DNAJC12: variants seen among roughly 807,000 people sequenced by gnomAD.
The protein encoded by DNAJC12 is DnaJ heat shock protein family (Hsp40) member C12.
A neutral mutation model predicts 28.5 loss-of-function variants in DNAJC12; 25 were observed. The observed-to-expected ratio is 0.88, with a 90% CI of 0.64 to 1.22. DNAJC12 has a LOEUF of 1.22. Ranked by LOEUF, DNAJC12 falls within the 50% of genes most tolerant of loss-of-function variation. DNAJC12 has a pLI of 0.00. For missense variants in DNAJC12, 222 were observed against 231.7 expected, an observed-to-expected ratio of 0.96 and a Z score of 0.27; for synonymous variants, 77 against 80.6, an observed-to-expected ratio of 0.95 and a Z score of 0.24.
intron 3 of DNAJC12, 61 bp from the exon 4 acceptor site, chr10:67,805,848 T>C (rs1160047806): frequency 7.5e-7 from 1 of 1,333,172 alleles, no homozygotes; most frequent in Non-Finnish European, 1.0e-6. Context: ...TTTCTATATT[T>C]AAAGTTTGAT....
At chr10:67,818,358 T>C (rs1841936705) in intron 2 of DNAJC12, among the ~76,000 whole-genome samples, 1 of 152,216 alleles carries the variant, frequency 6.6e-6, no homozygotes. Context: ...TTGAATCATA[T>C]ATCAAATGCA....
intron 2 of DNAJC12, among the ~76,000 whole-genome samples, chr10:67,821,222 A>G (rs182039483): frequency 6.6e-6 from 1 of 152,270 alleles, no homozygotes; most frequent in East Asian, 1.9e-4. Context: ...TAACTATCAA[A>G]TTTAAGATAT....
Position 67,819,707 on chromosome 10 carries a change from GAAGGAAGGAAGC to G in DNAJC12, c.157+3595_157+3606del, listed in dbSNP as rs1182236086. Among the ~76,000 whole-genome samples, 179 of 31,624 alleles carry G rather than the reference GAAGGAAGGAAGC, an allele frequency of 5.7e-3. 19 individuals are homozygous for G. The highest frequency in any genetic ancestry group is 0.015 in the South Asian group (10 of 686). 20.7% of individuals were successfully genotyped at this position (31,624 alleles called of 152,430 possible). On this transcript the variant is annotated intron_variant, in intron 2 of 4. Transcript: ENST00000225171. ...GAAAGAAAGAAAGAAAGGAAGGAAG[GAAGGAAGGAAGC>G]AAGGAAGGAAGGAAGGAAGGAAGGA...
intron 2 of DNAJC12, among the ~76,000 whole-genome samples, chr10:67,816,394 T>C (rs1841916361): frequency 6.6e-6 from 1 of 151,892 alleles, no homozygotes; most frequent in African/African-American, 2.4e-5. Flanking sequence ...CAGTAAAGAC[T>C]ATAAAGTAAA....
intron 1 of DNAJC12, chr10:67,833,961 C>T: frequency 2.1e-6 from 1 of 466,506 alleles, no homozygotes; most frequent in South Asian, 1.6e-5. Context: ...AGCATTAATG[C>T]TAGGGGTAAG....
In DNAJC12 at chr10:67,823,340, T is replaced by C. The variant is rs772016928; in HGVS notation, c.131A>G (p.Asp44Gly). 3.1e-6 allele frequency: 5 copies of C among 1,614,056 alleles called. No individual in the cohort carries two copies. In the African/African-American group the frequency reaches 4.0e-5, roughly 13 times the overall value. Reference protein sequence around the residue: ...FKVRALECHPDKHPENPKAVE... With the variant: ...FKVRALECHPGKHPENPKAVE... ...AGCTTTGGGGTTTTCAGGATGCTTG[T>C]CTGGGTGACATTCCAGAGCTCTGAC... The change falls in exon 2 of 5, where the codon GAC (aspartate) becomes GGC (glycine). Residue 44 changes from aspartate to glycine, a missense_variant. Asp to Gly is a moderately conservative substitution (Grantham distance 94, BLOSUM62 -1). Transcript: ENST00000225171.
intron 1 of DNAJC12, among the ~76,000 whole-genome samples, chr10:67,831,564 T>C (rs1182392895): frequency 1.3e-5 from 2 of 152,230 alleles, no homozygotes; most frequent in African/African-American, 4.8e-5. Context: ...ATTAAAATTA[T>C]GGCCATCTAG....
chr10:67,809,513 A>T lies in DNAJC12; in HGVS notation c.297+2011T>A, dbSNP rs553628860. On this transcript the variant is annotated intron_variant, in intron 3 of 4. Transcript: ENST00000225171. ...TATTTTTACCAATTAAACTAGCAGG[A>T]GGAACTTCTAGAAAACAAAAAGAAA... Among the ~76,000 whole-genome samples the T allele has an allele frequency of 2.8e-4, 42 of 152,324 alleles. 1 individual carries two copies. The South Asian group carries it at 8.7e-3, about 32-fold the overall frequency.
intron 2 of DNAJC12, among the ~76,000 whole-genome samples, chr10:67,816,377 G>C (rs969391557): frequency 6.6e-6 from 1 of 151,286 alleles, no homozygotes; most frequent in Non-Finnish European, 1.5e-5. Context: ...TATTATATGG[G>C]GAAAAACAGT....
At chr10:67,818,862 T>C (rs1841941840) in intron 2 of DNAJC12, among the ~76,000 whole-genome samples, 1 of 151,968 alleles carries the variant, frequency 6.6e-6, no homozygotes, top group Non-Finnish European at 1.5e-5. Context: ...ACCATGTTGG[T>C]CAGGCTGGTC....
chr10:67,807,025 G>A (rs1048874800), intron 3 of DNAJC12, among the ~76,000 whole-genome samples: 3 of 152,108 alleles, frequency 2.0e-5, no homozygotes, highest in Admixed American at 6.6e-5. Context: ...ACTCTGGGAG[G>A]CCTAGGTGGA....
At chr10:67,815,187 G>A (rs988028886) in intron 2 of DNAJC12, among the ~76,000 whole-genome samples, 2 of 152,184 alleles carry the variant, frequency 1.3e-5, no homozygotes, top group South Asian at 4.1e-4. Context: ...ATGTTGATAT[G>A]TGCTACAACA....
At chr10:67,833,203 G>A (rs1842110395) in intron 1 of DNAJC12, among the ~76,000 whole-genome samples, 1 of 152,186 alleles carries the variant, frequency 6.6e-6, no homozygotes, top group South Asian at 2.1e-4. Flanking sequence ...TTAGATCAGG[G>A]ATTGATTGAC....
chr10:67,823,204 G>A (rs1314662370), intron 2 of DNAJC12, 110 bp downstream of exon 2: 2 of 858,674 alleles, frequency 2.3e-6, no homozygotes, highest in Non-Finnish European at 3.8e-6. Flanking sequence ...AAAGAATACG[G>A]TTGAGCATAA....
intron 4 of DNAJC12, among the ~76,000 whole-genome samples, chr10:67,798,164 T>C (rs983277309): frequency 6.6e-6 from 1 of 152,046 alleles, no homozygotes; most frequent in Admixed American, 6.5e-5. Flanking sequence ...AATGATACCA[T>C]TTATAAATTT....
At chr10:67,826,895 TTA>T (rs565625138) in intron 1 of DNAJC12, among the ~76,000 whole-genome samples, 1,732 of 138,078 alleles carry the variant, frequency 0.013, 20 homozygotes, top group Non-Finnish European at 0.019. Flanking sequence ...ATGATATCTA[TTA>T]TATGTCATTA....
At chr10:67,826,486 T>C (rs1034587039) in intron 1 of DNAJC12, among the ~76,000 whole-genome samples, 1 of 144,680 alleles carries the variant, frequency 6.9e-6, no homozygotes, top group Non-Finnish European at 1.5e-5. Flanking sequence ...ATATATAAGA[T>C]GCTTATATAT....
At chr10:67,803,416 G>C (rs990379662) in intron 4 of DNAJC12, among the ~76,000 whole-genome samples, 5 of 152,240 alleles carry the variant, frequency 3.3e-5, no homozygotes, top group Non-Finnish European at 7.3e-5. Flanking sequence ...ACACACCTGA[G>C]TGTCAGCCTT....
chr10:67,805,331 T>G (rs950688912), intron 4 of DNAJC12, among the ~76,000 whole-genome samples: 2 of 152,206 alleles, frequency 1.3e-5, no homozygotes, highest in African/African-American at 4.8e-5. Flanking sequence ...TTCCTGCACA[T>G]AGTAAACATT....
Sources: allele counts gnomAD v4.1 joint callset (sites outside exome capture counted in the v4.1 genomes callset), GRCh38; gene constraint gnomAD v4.1.1; transcripts MANE v1.5; gene names NCBI Gene and HGNC (gene_info 2026-07-23, HGNC 2026-07-21).